Variants in JAKMIP3 observed in about 807,000 individuals in gnomAD.
The protein encoded by JAKMIP3 is Janus kinase and microtubule interacting protein 3.
Under a neutral mutation model 118.5 loss-of-function variants are expected in JAKMIP3, and 58 were observed. That is an observed-to-expected ratio of 0.49 (90% CI 0.40 to 0.61). JAKMIP3 has a LOEUF of 0.61. Among genes scored for constraint, JAKMIP3 ranks in the 20% least tolerant of loss-of-function variants. The pLI is 0.00. For synonymous variants in JAKMIP3, 486 were observed against 451.2 expected (o/e 1.08, Z -0.98); for missense variants, 950 against 1,109.0 (o/e 0.86, Z 2.04).
At chr10:132,169,429 G>A (rs1340507338) in intron 23 of JAKMIP3, among the ~76,000 whole-genome samples, 2 of 152,218 alleles carry the variant, frequency 1.3e-5, no homozygotes, top group Non-Finnish European at 2.9e-5. Flanking sequence ...CTCGGCCCCG[G>A]CACCTGAGGT....
At chr10:132,056,175 T>C (rs1414228313) in intron 1 of JAKMIP3, among the ~76,000 whole-genome samples, 2 of 152,164 alleles carry the variant, frequency 1.3e-5, no homozygotes, top group Non-Finnish European at 2.9e-5. Context: ...GGTGGGACCC[T>C]GGGCACCTTC....
At chr10:132,135,278 C>T in intron 5 of JAKMIP3, 118 bp downstream of exon 5, 1 of 1,059,240 alleles carries the variant, frequency 9.4e-7, no homozygotes, top group Non-Finnish European at 1.3e-6. Context: ...AAGGACCGGC[C>T]TTGCGTCGAA....
chr10:132,159,792 G>A (rs1343778738), intron 19 of JAKMIP3, among the ~76,000 whole-genome samples: 1 of 57,538 alleles, frequency 1.7e-5, no homozygotes, highest in East Asian at 1.2e-3. Context: ...CCTGTGTGAT[G>A]CTGGGGGGCC....
chr10:132,062,707 T>A (rs1446480516), upstream of JAKMIP3, among the ~76,000 whole-genome samples: 1 of 152,092 alleles, frequency 6.6e-6, no homozygotes, highest in Non-Finnish European at 1.5e-5. Flanking sequence ...AAGCCATGCA[T>A]GGGAATAAAA....
upstream of JAKMIP3, among the ~76,000 whole-genome samples, chr10:132,036,474 C>T (rs571440121): frequency 6.6e-6 from 1 of 152,190 alleles, no homozygotes; most frequent in South Asian, 2.1e-4. Context: ...GGCCCCCGGG[C>T]TATTTTCAGC....
intron 23 of JAKMIP3, among the ~76,000 whole-genome samples, chr10:132,180,020 T>C (rs2060577085): frequency 6.6e-6 from 1 of 152,134 alleles, no homozygotes; most frequent in African/African-American, 2.4e-5. Flanking sequence ...AAATTCATGG[T>C]TTTGATTTGG....
Position 132,112,361 on chromosome 10 carries a change from A to G in JAKMIP3, c.136-4716A>G, listed in dbSNP as rs1254053577. 6.6e-6 allele frequency among the ~76,000 whole-genome samples: 1 copy of G among 152,014 alleles called. No individual in the cohort carries two copies. Among genetic ancestry groups the G allele is most frequent in the East Asian group, 1.9e-4 (1 of 5,178 alleles). Reference sequence around the variant, plus strand: ...GACGGGGCTGGGACCTGCCCTGGGCACTCGGCTCGTCAGCTGGGAAGCCCA... The same window carrying G: ...GACGGGGCTGGGACCTGCCCTGGGCGCTCGGCTCGTCAGCTGGGAAGCCCA... On this transcript the variant is annotated intron_variant, in intron 2 of 23. Transcript: ENST00000684848. The surrounding 1 kb of genome is among the most constrained non-coding windows in gnomAD (Gnocchi z 4.3).
intron 2 of JAKMIP3, among the ~76,000 whole-genome samples, chr10:132,110,317 G>C (rs1229313375): frequency 6.6e-6 from 1 of 152,260 alleles, no homozygotes; most frequent in East Asian, 1.9e-4. Context: ...CGGGCTGCTG[G>C]TGCCTCCAGC....
chr10:132,053,870 T>C (rs1329100251), intron 1 of JAKMIP3, among the ~76,000 whole-genome samples: 1 of 151,548 alleles, frequency 6.6e-6, no homozygotes, highest in Non-Finnish European at 1.5e-5. Flanking sequence ...CTGTCTCTAC[T>C]AAAAATACAA....
chr10:132,122,044 C>T (rs1031220537), intron 3 of JAKMIP3, among the ~76,000 whole-genome samples: 2 of 152,240 alleles, frequency 1.3e-5, no homozygotes, highest in African/African-American at 4.8e-5. Flanking sequence ...GTTTTGTTCA[C>T]TACTCAGTCC....
rs539716766 is a variant in JAKMIP3 at position 132,168,954 on chromosome 10, G to T, written c.*1024G>T. 160 of 159,970 alleles carry T rather than the reference G, an allele frequency of 1.0e-3. No individual in the cohort carries two copies. The highest frequency in any genetic ancestry group is 1.8e-3 in the Admixed American group (31 of 17,114). The allele number at this position is 159,970 out of a possible 1,614,324, so 9.9% of individuals were successfully genotyped here. The stretch of plus-strand genomic sequence containing the variant: ...GCCCAGGTGGGGATGGCGGGCGCAA[G>T]AAGGGAACCGCGGGGACGGCCTTTC... On this transcript the variant is annotated 3_prime_UTR_variant, in exon 23 of 24. Coordinates refer to ENST00000684848, the MANE Select transcript of JAKMIP3 (RefSeq NM_001323087.2).
At chr10:132,139,070 A>G (rs2380098) in intron 9 of JAKMIP3, among the ~76,000 whole-genome samples, 35,137 of 104,612 alleles carry the variant, frequency 0.34, 4,162 homozygotes, top group East Asian at 0.45. Flanking sequence ...GTGTGTGTGT[A>G]TGTGTATGTG....
Position 132,117,341 on chromosome 10 carries a change from G to T in JAKMIP3, c.400G>T (p.Val134Leu), listed in dbSNP as rs372132098. The stretch of plus-strand genomic sequence containing the variant: ...TGGCGGCCCCGAAAAGGTCAAGACC[G>T]TGCTGCTGTCCGAGGCCAAGGAGGA... Reference protein sequence around the residue: ...RDGGPEKVKTVLLSEAKEEAK... With the variant: ...RDGGPEKVKTLLLSEAKEEAK... The change falls in exon 3 of 24, where the codon GTG becomes TTG. Residue 134 changes from valine to leucine, a missense_variant. Coordinates refer to ENST00000684848, the MANE Select transcript of JAKMIP3 (RefSeq NM_001323087.2). This position sits in a 1 kb window ranked among gnomAD's most constrained non-coding sequence, Gnocchi z 8.6. 1.9e-6 allele frequency: 3 copies of T among 1,613,978 alleles called. No individual in the cohort carries two copies. The highest frequency in any genetic ancestry group is 2.2e-5 in the South Asian group (2 of 91,070).
chr10:132,148,143 C>CATGAAG, intron 14 of JAKMIP3, 93 bp downstream of exon 14: 1 of 680,580 alleles, frequency 1.5e-6, no homozygotes, highest in Non-Finnish European at 2.5e-6. Flanking sequence ...TGAACATGAA[C>CATGAAG]ATGAACATGA....
In JAKMIP3 at chr10:132,138,242, C is replaced by T. The variant is rs562063659; in HGVS notation, c.1344+64C>T. ...GGGTGTGTGCGGAGAGGACCACGCCCGCGTGTGTGGAGAGCGCTGGTGTGT... is the reference window on the plus strand; with the variant it reads ...GGGTGTGTGCGGAGAGGACCACGCCTGCGTGTGTGGAGAGCGCTGGTGTGT... On this transcript the variant is annotated intron_variant, in intron 9 of 23. Coordinates refer to ENST00000684848, the MANE Select transcript of JAKMIP3 (RefSeq NM_001323087.2). 31 of 1,420,570 alleles carry T rather than the reference C, an allele frequency of 2.2e-5. 1 individual carries two copies. The Admixed American group carries it at 2.3e-4, about 11-fold the overall frequency. The allele number at this position is 1,420,570 out of a possible 1,614,324, so 88.0% of individuals were successfully genotyped here. A position where few individuals can be genotyped will look rare whatever the true frequency, so the allele number is the denominator to read the frequency against.
rs1297094552 is a variant in JAKMIP3, at chr10:132,139,305, TGA to T, written c.1344+1129_1344+1130del. The stretch of plus-strand genomic sequence containing the variant: ...GTGTATATGCATCTGTGTATGTGTG[TGA>T]GTGTGTATGTGTATGTGTGTGTGTT... On this transcript the variant is annotated intron_variant, in intron 9 of 23. Transcript: ENST00000684848. 3.3e-3 allele frequency among the ~76,000 whole-genome samples: 214 copies of T among 65,254 alleles called. 16 individuals carry two copies. In the East Asian group the frequency reaches 0.12, roughly 36 times the overall value. The allele number at this position is 65,254 out of a possible 152,430, so 42.8% of individuals were successfully genotyped here. A position where few individuals can be genotyped will look rare whatever the true frequency, so the allele number is the denominator to read the frequency against.
At chr10:132,163,062 G>T in intron 19 of JAKMIP3, 147 bp from the exon 20 acceptor site, 1 of 751,166 alleles carries the variant, frequency 1.3e-6, no homozygotes, top group East Asian at 2.7e-5. Flanking sequence ...TGGTCCTTCT[G>T]CAGAGGCCAC....
intron 23 of JAKMIP3, among the ~76,000 whole-genome samples, chr10:132,180,881 G>A (rs942127105): frequency 1.3e-5 from 2 of 152,104 alleles, no homozygotes; most frequent in Admixed American, 6.5e-5. Context: ...TTGGGCATGT[G>A]CATGTATGTG....
At chr10:132,181,236 G>C (rs1242747096) in intron 23 of JAKMIP3, 1 of 152,218 alleles carries the variant, frequency 6.6e-6, no homozygotes, top group Non-Finnish European at 1.5e-5. Flanking sequence ...CTCTGGTCTT[G>C]TTCCTTTAAT....
Sources: gnomAD v4.1 joint callset for allele counts (sites outside exome capture counted in the v4.1 genomes callset) on GRCh38, gnomAD v4.1.1 for gene constraint, Gnocchi (gnomAD v3.1) non-coding constraint, MANE v1.5 for transcripts, NCBI Gene and HGNC (gene_info 2026-07-23, HGNC 2026-07-21) for gene names.